The following ADGRE2 variants were observed in gnomAD, a reference collection of about 807,000 sequenced individuals.
ADGRE2 encodes the protein CD97 antigen.
In ADGRE2, 83 loss-of-function variants were observed where a neutral mutation model predicts 100.8. The observed-to-expected ratio is 0.82, with a 90% CI of 0.69 to 0.99. ADGRE2 has a LOEUF of 0.99. ADGRE2 is among the 50% of genes least tolerant of loss of function. The pLI is 0.00. For missense variants in ADGRE2, 814 were observed against 1,035.7 expected (o/e 0.79, Z 2.94); for synonymous variants, 355 against 413.0 (o/e 0.86, Z 1.70).
intron 2 of ADGRE2, among the ~76,000 whole-genome samples, chr19:14,775,613 C>G (rs1293774372): frequency 6.6e-6 from 1 of 151,986 alleles, no homozygotes; most frequent in Admixed American, 6.6e-5. Context: ...AATCCCAGCA[C>G]TTTGGGAGGC....
chr19:14,759,503 A>ATATTTTT (rs60789454), intron 11 of ADGRE2, among the ~76,000 whole-genome samples: 2 of 133,372 alleles, frequency 1.5e-5, no homozygotes, highest in South Asian at 2.4e-4. Context: ...ATATATATAT[A>ATATTTTT]TTTTTTTTTT....
At chr19:14,762,582 G>A (rs1403744311) in intron 11 of ADGRE2, among the ~76,000 whole-genome samples, 3 of 151,926 alleles carry the variant, frequency 2.0e-5, no homozygotes, top group African/African-American at 7.3e-5. Context: ...ATAACTTTCT[G>A]AATATACTAG....
intron 5 of ADGRE2, among the ~76,000 whole-genome samples, chr19:14,770,674 T>TTTTCTTTTTC (rs2044167664): frequency 3.7e-5 from 1 of 26,690 alleles, no homozygotes; most frequent in African/African-American, 2.3e-4. Context: ...CTTTTCTTTT[T>TTTTCTTTTTC]TTTTTTTTTT....
downstream of ADGRE2, among the ~76,000 whole-genome samples, chr19:14,728,951 A>G (rs868108955): frequency 6.6e-6 from 1 of 152,172 alleles, no homozygotes. Context: ...CCGATTGGCT[A>G]CTTGCGAATA....
In ADGRE2 at chr19:14,773,095, AAAAC is replaced by A. The variant is rs1474916117; in HGVS notation, c.200-602_200-599del. On this transcript the variant is annotated intron_variant, in intron 4 of 20. Transcript: ENST00000315576. ...GACTCCATCTCAAAAAAAAAAAAAA[AAAAC>A]AAAAAAAAAAAGAAAAAAGAAAAAT... Among the ~76,000 whole-genome samples, 626 of 141,308 alleles carry A rather than the reference AAAAC, an allele frequency of 4.4e-3. 18 individuals carry two copies. The highest frequency in any genetic ancestry group is 0.017 in the African/African-American group (593 of 35,620). 92.7% of individuals were successfully genotyped at this position (141,308 alleles called of 152,430 possible).
At chr19:14,747,862 A>T (rs2043139223) in intron 16 of ADGRE2, among the ~76,000 whole-genome samples, 1 of 152,184 alleles carries the variant, frequency 6.6e-6, no homozygotes, top group Non-Finnish European at 1.5e-5. Flanking sequence ...ATGGCTGAAT[A>T]ACATTTCATT....
At chr19:14,736,424 G>A (rs1342303437) in intron 20 of ADGRE2, among the ~76,000 whole-genome samples, 180 bp from the exon 21 acceptor site, 2 of 151,944 alleles carry the variant, frequency 1.3e-5, no homozygotes, top group Non-Finnish European at 2.9e-5. Context: ...ACCACACCCG[G>A]CTAATTTTGT....
chr19:14,743,556 T>C, intron 19 of ADGRE2, 26 bp from the exon 20 acceptor site: 1 of 1,612,904 alleles, frequency 6.2e-7, no homozygotes, highest in Non-Finnish European at 8.5e-7. Context: ...GTGTACTGGG[T>C]CAGCTCACAG....
chr19:14,744,731 A>G lies in ADGRE2; in HGVS notation c.2184-947T>C, dbSNP rs112015575. On this transcript the variant is annotated intron_variant, in intron 18 of 20. Transcript: ENST00000315576. ...CGGCCTCCCAAAGTGTTAGGATTAC[A>G]GGCGTGAGCCACCATGCCTGGCCCC... 2.1e-3 allele frequency among the ~76,000 whole-genome samples: 314 copies of G among 152,246 alleles called. 1 individual carries two copies. Among genetic ancestry groups the G allele is most frequent in the African/African-American group, 7.4e-3 (306 of 41,558 alleles).
chr19:14,736,025 A>G lies in ADGRE2; in HGVS notation c.*211T>C. ...CACAGCTGGCCGTCCATATGCTGAG[A>G]GTTTGATGAGCACATTGCAGGGCAT... is the stretch of plus-strand genomic sequence containing the variant. On this transcript the variant is annotated 3_prime_UTR_variant, in exon 21 of 21. Transcript: ENST00000315576. 1 of 526,468 alleles carries G rather than the reference A, an allele frequency of 1.9e-6. No homozygotes were observed. The highest frequency in any genetic ancestry group is 3.5e-6 in the Non-Finnish European group (1 of 283,868). 32.6% of individuals were successfully genotyped at this position (526,468 alleles called of 1,614,324 possible). A position where few individuals can be genotyped will look rare whatever the true frequency, so the allele number is the denominator to read the frequency against.
intron 11 of ADGRE2, among the ~76,000 whole-genome samples, chr19:14,759,092 A>G (rs1043530654): frequency 2.0e-5 from 3 of 152,106 alleles, no homozygotes; most frequent in African/African-American, 7.2e-5. Context: ...CCCCAGCCTA[A>G]TCTTTTATTA....
the ADGRE2 span, among the ~76,000 whole-genome samples, chr19:14,726,364 G>A: frequency 1.3e-5 from 2 of 152,150 alleles, no homozygotes. Context: ...TTTTCCTTTT[G>A]TCTTGGATCT....
At chr19:14,736,849 A>G (rs183122826) in intron 20 of ADGRE2, among the ~76,000 whole-genome samples, 2 of 143,680 alleles carry the variant, frequency 1.4e-5, no homozygotes, top group Admixed American at 7.0e-5. Context: ...CTATATATTT[A>G]GAAATATATA....
Position 14,766,272 on chromosome 19 carries a change from C to T in ADGRE2, c.597G>A (p.Pro199=), listed in dbSNP as rs147866335. 20 of 1,612,836 alleles carry T rather than the reference C, an allele frequency of 1.2e-5. No homozygotes were observed. In the African/African-American group the frequency reaches 1.3e-4, roughly 11 times the overall value. ...CRCRPGWQPI[P]GSPNGPNNTV... ...TATTGTTTGGGCCATTGGGGGACCC[C>T]GGAATCGGTTGCCAGCCCGGGCGGC... is the stretch of plus-strand genomic sequence containing the variant. Residue 199 remains proline, a synonymous_variant, in exon 7 of 21, where the codon CCG becomes CCA. Coordinates refer to ENST00000315576, the MANE Select transcript of ADGRE2 (RefSeq NM_013447.4).
At chr19:14,730,119 C>T (rs1219562533), downstream of ADGRE2, among the ~76,000 whole-genome samples, 1 of 152,172 alleles carries the variant, frequency 6.6e-6, no homozygotes, top group Non-Finnish European at 1.5e-5. Flanking sequence ...ATGGCACAAT[C>T]TCTGCTCACT....
At chr19:14,736,385 C>T (rs2042746036) in intron 20 of ADGRE2, 141 bp from the exon 21 acceptor site, 1 of 547,102 alleles carries the variant, frequency 1.8e-6, no homozygotes, top group Non-Finnish European at 3.3e-6. Flanking sequence ...TCTCAGCCTC[C>T]AGAGTAGCCA....
chr19:14,759,503 A>ATATATATATATATATATAT (rs60789454), intron 11 of ADGRE2, among the ~76,000 whole-genome samples: 5 of 133,378 alleles, frequency 3.7e-5, no homozygotes, highest in East Asian at 4.4e-4. Context: ...ATATATATAT[A>ATATATATATATATATATAT]TTTTTTTTTT....
intron 4 of ADGRE2, among the ~76,000 whole-genome samples, chr19:14,772,880 G>A (rs556283856): frequency 6.6e-6 from 1 of 151,242 alleles, no homozygotes; most frequent in African/African-American, 2.4e-5. Flanking sequence ...AGGAGTTCGA[G>A]ACCAGCCTGC....
chr19:14,769,224 C>A (rs964919968), intron 5 of ADGRE2, among the ~76,000 whole-genome samples: 4 of 151,174 alleles, frequency 2.6e-5, no homozygotes, highest in South Asian at 2.1e-4. Flanking sequence ...ACACCCCCCC[C>A]CCATCTTTAC....
Sources: gnomAD v4.1 joint callset for allele counts (sites outside exome capture counted in the v4.1 genomes callset) on GRCh38, gnomAD v4.1.1 for gene constraint, MANE v1.5 for transcripts, NCBI Gene and HGNC (gene_info 2026-07-23, HGNC 2026-07-21) for gene names.